WDPCP: variants seen among roughly 807,000 people sequenced by gnomAD.
WDPCP encodes the protein WD repeat containing planar cell polarity effector, also known as WD repeat-containing and planar cell polarity effector protein fritz homolog.
A neutral mutation model predicts 93.1 loss-of-function variants in WDPCP; 71 were observed. The ratio of observed to expected loss-of-function variants is 0.76; its 90% CI spans 0.63 to 0.93. The LOEUF is 0.93. Ranked by LOEUF, WDPCP falls within the 40% of genes least tolerant of loss-of-function variation. WDPCP has a pLI of 0.00. For synonymous variants in WDPCP, 315 were observed against 315.0 expected (o/e 1.00, Z 0.00); for missense variants, 844 against 887.4 (o/e 0.95, Z 0.62).
At chr2:63,344,184 C>T (rs903681592) in intron 12 of WDPCP, among the ~76,000 whole-genome samples, 2 of 152,170 alleles carry the variant, frequency 1.3e-5, no homozygotes, top group Non-Finnish European at 2.9e-5. Context: ...CTGAGGGCTG[C>T]AGTCACCCAT....
At chr2:63,413,804 A>AACAAACAAAAAC (rs1553382016) in intron 9 of WDPCP, among the ~76,000 whole-genome samples, 1 of 151,804 alleles carries the variant, frequency 6.6e-6, no homozygotes, top group Non-Finnish European at 1.5e-5. Flanking sequence ...CAAACAAACA[A>AACAAACAAAAAC]ACAAACAAAA....
chr2:63,601,816 T>C (rs1709423528), intron 3 of WDPCP, among the ~76,000 whole-genome samples: 1 of 152,262 alleles, frequency 6.6e-6, no homozygotes, highest in Non-Finnish European at 1.5e-5. Flanking sequence ...TTATAGGCTC[T>C]AACTTCCTGG....
At chr2:63,825,720 G>T (rs1671104487) in intron 1 of WDPCP, among the ~76,000 whole-genome samples, 1 of 151,976 alleles carries the variant, frequency 6.6e-6, no homozygotes, top group African/African-American at 2.4e-5. Flanking sequence ...CAGGGGAAAG[G>T]AAACAGAGAA....
intron 1 of WDPCP, among the ~76,000 whole-genome samples, chr2:63,575,854 A>G (rs1708079556): frequency 6.6e-6 from 1 of 152,088 alleles, no homozygotes; most frequent in Non-Finnish European, 1.5e-5. Context: ...TAGAATATGA[A>G]TCCAGTAAAT....
intron 2 of WDPCP, among the ~76,000 whole-genome samples, chr2:63,690,947 A>G (rs1668880323): frequency 6.6e-6 from 1 of 151,150 alleles, no homozygotes; most frequent in African/African-American, 2.4e-5. Context: ...TGGTAATAGT[A>G]AAAAAAAACC....
intron 12 of WDPCP, among the ~76,000 whole-genome samples, chr2:63,329,212 C>T (rs1010953138): frequency 3.9e-5 from 6 of 152,164 alleles, no homozygotes; most frequent in Non-Finnish European, 8.8e-5. Context: ...CCCACTGGCC[C>T]TGGCAATAAC....
chr2:63,135,771 A>T (rs987812618), intron 17 of WDPCP, among the ~76,000 whole-genome samples: 9 of 150,282 alleles, frequency 6.0e-5, no homozygotes, highest in Middle Eastern at 3.7e-3. Flanking sequence ...TCACTCTGTC[A>T]TCCAGGCTGG....
At chr2:63,192,300 C>T (rs1036869322) in intron 14 of WDPCP, among the ~76,000 whole-genome samples, 22 of 152,058 alleles carry the variant, frequency 1.4e-4, no homozygotes, top group African/African-American at 5.3e-4. Flanking sequence ...AACAAAAGTG[C>T]TAAATTAGAT....
chr2:63,238,066 C>T (rs1679556786), intron 14 of WDPCP, among the ~76,000 whole-genome samples: 1 of 151,326 alleles, frequency 6.6e-6, no homozygotes, highest in Admixed American at 6.6e-5. Flanking sequence ...AGATGACATG[C>T]CCAAAATGGC....
intron 1 of WDPCP, among the ~76,000 whole-genome samples, chr2:63,533,115 G>A (rs866911662): frequency 2.0e-4 from 30 of 151,240 alleles, no homozygotes; most frequent in African/African-American, 7.3e-4. Context: ...GACAAAGAAG[G>A]GCATTACATA....
intron 2 of WDPCP, chr2:63,717,545 GGCCATGCAGTCTTCTAAGGAA>G: frequency 2.0e-6 from 1 of 495,438 alleles, no homozygotes. Flanking sequence ...CCCAGGCTCT[GGCCATGCAGTCTTCTAAGGAA>G]GACTGATTCA....
chr2:63,532,711 A>G (rs1703953991), intron 1 of WDPCP, among the ~76,000 whole-genome samples: 1 of 152,228 alleles, frequency 6.6e-6, no homozygotes, highest in African/African-American at 2.4e-5. Context: ...TATAGGAAGC[A>G]CTAAACATGG....
intron 1 of WDPCP, among the ~76,000 whole-genome samples, chr2:63,501,213 A>G (rs1028967761): frequency 5.3e-5 from 8 of 152,220 alleles, no homozygotes; most frequent in African/African-American, 1.7e-4. Flanking sequence ...TATGTTCAAA[A>G]TACTATCTAA....
At chr2:63,724,295 TA>T (rs951133219) in intron 2 of WDPCP, among the ~76,000 whole-genome samples, 1 of 152,012 alleles carries the variant, frequency 6.6e-6, no homozygotes, top group African/African-American at 2.4e-5. Flanking sequence ...TTAATAGACT[TA>T]AAAAATGGTC....
At chr2:63,157,295 C>A (rs184771178) in intron 15 of WDPCP, among the ~76,000 whole-genome samples, 1 of 151,986 alleles carries the variant, frequency 6.6e-6, no homozygotes, top group Admixed American at 6.5e-5. Flanking sequence ...GTATGAGAGA[C>A]AGTAGTCTAT....
At chr2:63,577,851 A>T (rs1708219755) in intron 1 of WDPCP, among the ~76,000 whole-genome samples, 1 of 152,208 alleles carries the variant, frequency 6.6e-6, no homozygotes, top group Non-Finnish European at 1.5e-5. Flanking sequence ...ACATGGAATT[A>T]ACTTAAATAC....
At chr2:63,656,273 G>A (rs939644671) in intron 2 of WDPCP, among the ~76,000 whole-genome samples, 2 of 152,156 alleles carry the variant, frequency 1.3e-5, no homozygotes, top group African/African-American at 4.8e-5. Context: ...TGAAGAGTGA[G>A]GCCATACCCT....
At chr2:63,627,703 C>G (rs1709824755) in intron 3 of WDPCP, among the ~76,000 whole-genome samples, 1 of 152,192 alleles carries the variant, frequency 6.6e-6, no homozygotes, top group African/African-American at 2.4e-5. Flanking sequence ...GACTGCCAGA[C>G]TTGAAGGGAA....
intron 2 of WDPCP, among the ~76,000 whole-genome samples, chr2:63,703,378 C>T (rs1273946999): frequency 6.6e-6 from 1 of 152,294 alleles, no homozygotes; most frequent in Admixed American, 6.5e-5. Context: ...TCCTCTCCAG[C>T]ACCTGTTGTT....
Sources: gnomAD v4.1 joint callset for allele counts (sites outside exome capture counted in the v4.1 genomes callset) on GRCh38, gnomAD v4.1.1 for gene constraint, MANE v1.5 for transcripts, NCBI Gene and HGNC (gene_info 2026-07-23, HGNC 2026-07-21) for gene names.